LRRC4C: variants seen among roughly 807,000 people sequenced by gnomAD.
The protein encoded by LRRC4C is leucine-rich repeat-containing protein 4C.
LRRC4C carries 5 observed loss-of-function variants against 33.6 expected under a neutral mutation model. That is an observed-to-expected ratio of 0.15 (90% CI 0.08 to 0.31). The LOEUF is 0.31. LRRC4C is among the 10% of genes least tolerant of loss of function. LRRC4C has a pLI of 1.00. For missense variants in LRRC4C, 560 were observed against 796.7 expected (o/e 0.70, Z 3.58); for synonymous variants, 329 against 302.0 (o/e 1.09, Z -0.93).
intron 3 of LRRC4C, among the ~76,000 whole-genome samples, chr11:40,571,417 G>T (rs2135566806): frequency 6.6e-6 from 1 of 152,120 alleles, no homozygotes; most frequent in Non-Finnish European, 1.5e-5. Context: ...TCATAGAACA[G>T]AATTCCTGAC....
chr11:41,197,888 A>AT, intron 1 of LRRC4C, among the ~76,000 whole-genome samples: 1 of 152,132 alleles, frequency 6.6e-6, no homozygotes, highest in East Asian at 1.9e-4. Context: ...CATCTGGAAA[A>AT]TGCTCAGTAA....
chr11:41,185,769 A>G (rs1381325994), intron 1 of LRRC4C, among the ~76,000 whole-genome samples: 1 of 152,192 alleles, frequency 6.6e-6, no homozygotes, highest in East Asian at 1.9e-4. Context: ...AGAGGTAAAT[A>G]CTTTTAAAAT....
At chr11:40,727,972 G>A (rs1947368459) in intron 2 of LRRC4C, among the ~76,000 whole-genome samples, 1 of 152,096 alleles carries the variant, frequency 6.6e-6, no homozygotes, top group Non-Finnish European at 1.5e-5. Context: ...GAACCCAGGA[G>A]GCAGAGGTTT....
chr11:41,378,029 G>A (rs1953004580), intron 1 of LRRC4C, among the ~76,000 whole-genome samples: 1 of 152,104 alleles, frequency 6.6e-6, no homozygotes, highest in African/African-American at 2.4e-5. Flanking sequence ...AGAAAGGCGG[G>A]CAGTGGGGGT....
chr11:41,225,960 T>A (rs935014018), intron 1 of LRRC4C, among the ~76,000 whole-genome samples: 1 of 152,150 alleles, frequency 6.6e-6, no homozygotes, highest in African/African-American at 2.4e-5. Context: ...TAAAATGCAA[T>A]TCTCTTTGAA....
At chr11:41,113,002 A>G (rs376915119) in intron 1 of LRRC4C, among the ~76,000 whole-genome samples, 1 of 152,150 alleles carries the variant, frequency 6.6e-6, no homozygotes. Context: ...TAAAAACTAA[A>G]CAAGTACATT....
At chr11:40,931,888 G>A (rs1421866006) in intron 2 of LRRC4C, among the ~76,000 whole-genome samples, 1 of 151,980 alleles carries the variant, frequency 6.6e-6, no homozygotes, top group Non-Finnish European at 1.5e-5. Context: ...TGCTAAAGTT[G>A]TCCGAGTAAT....
In LRRC4C at chr11:40,653,411, G is replaced by T. The variant is rs1002081093; in HGVS notation, c.-406-5133C>A. On this transcript the variant is annotated intron_variant, in intron 2 of 6. Coordinates refer to ENST00000528697, the MANE Select transcript of LRRC4C (RefSeq NM_001258419.2). ...GGAACTTGTTGGGAACTGTGGTAAAGGTCACTCTTGCTATGCTTTAGCAAA... is the reference window on the plus strand; with the variant it reads ...GGAACTTGTTGGGAACTGTGGTAAATGTCACTCTTGCTATGCTTTAGCAAA... Among the ~76,000 whole-genome samples the T allele has an allele frequency of 3.3e-5, 5 of 152,286 alleles. No individual in the cohort carries two copies. In the East Asian group the frequency reaches 5.8e-4, roughly 18 times the overall value.
intron 5 of LRRC4C, among the ~76,000 whole-genome samples, chr11:40,214,493 A>G (rs1182668482): frequency 6.6e-6 from 1 of 152,132 alleles, no homozygotes; most frequent in Non-Finnish European, 1.5e-5. Flanking sequence ...AATACTCCCT[A>G]ATTCATTTGT....
chr11:40,804,393 G>C (rs1388591775), intron 2 of LRRC4C, among the ~76,000 whole-genome samples: 1 of 152,152 alleles, frequency 6.6e-6, no homozygotes, highest in African/African-American at 2.4e-5. Flanking sequence ...CAAGAAATTT[G>C]ACTTTTCCTA....
chr11:41,423,834 C>T (rs1335601942), intron 1 of LRRC4C: 1 of 151,998 alleles, frequency 6.6e-6, no homozygotes. Flanking sequence ...TGGCCAATGT[C>T]AGCCACAGAT....
chr11:40,566,086 G>GTTTTTTTTTTTTTTTTTTTTTTTTTCTT, intron 3 of LRRC4C, among the ~76,000 whole-genome samples: 1 of 62,796 alleles, frequency 1.6e-5, no homozygotes, highest in African/African-American at 6.4e-5. Context: ...TTTTTACTAA[G>GTTTTTTTTTTTTTTTTTTTTTTTTTCTT]TTTTTTTTTT....
intron 2 of LRRC4C, among the ~76,000 whole-genome samples, chr11:40,803,099 C>T (rs191461594): frequency 3.3e-4 from 51 of 152,242 alleles, no homozygotes; most frequent in African/African-American, 1.2e-3. Context: ...ATTTGATAAC[C>T]AGGCAAGCTA....
At chr11:40,336,154 T>C (rs1217402056) in intron 3 of LRRC4C, among the ~76,000 whole-genome samples, 2 of 152,228 alleles carry the variant, frequency 1.3e-5, no homozygotes, top group Non-Finnish European at 2.9e-5. Flanking sequence ...ACAAAATCCC[T>C]GCCTGCATGA....
chr11:41,268,869 G>GA (rs140636630), intron 1 of LRRC4C, among the ~76,000 whole-genome samples: 10,994 of 142,936 alleles, frequency 0.077, 408 homozygotes, highest in African/African-American at 0.094. Context: ...GATAGCTAAA[G>GA]AAAAAAAAAA....
rs182309504 is a variant in LRRC4C at position 41,069,255 on chromosome 11, T to G, written c.-495-135532A>C. Among the ~76,000 whole-genome samples, 791 of 152,300 alleles carry G rather than the reference T, an allele frequency of 5.2e-3. 3 individuals carry two copies. Among genetic ancestry groups the G allele is most frequent in the Non-Finnish European group, 6.8e-3 (462 of 68,024 alleles). On this transcript the variant is annotated intron_variant, in intron 1 of 6. Transcript: ENST00000528697. ...TAAAAACTCTCAATAAACTAGGTATTGATGGAACATATCTCCAAATAATAC... is the reference window on the plus strand; with the variant it reads ...TAAAAACTCTCAATAAACTAGGTATGGATGGAACATATCTCCAAATAATAC...
At chr11:41,335,053 C>T (rs574374031) in intron 1 of LRRC4C, among the ~76,000 whole-genome samples, 1 of 152,168 alleles carries the variant, frequency 6.6e-6, no homozygotes, top group Admixed American at 6.5e-5. Flanking sequence ...CACCTGGTAA[C>T]ACCTCCAAAC....
chr11:40,831,992 A>G, intron 2 of LRRC4C, among the ~76,000 whole-genome samples: 2 of 152,294 alleles, frequency 1.3e-5, no homozygotes, highest in East Asian at 1.9e-4. Context: ...TTTAAAATAC[A>G]GTTATAGGTA....
chr11:40,817,206 A>G (rs924153893), intron 2 of LRRC4C, among the ~76,000 whole-genome samples: 1 of 152,158 alleles, frequency 6.6e-6, no homozygotes, highest in Non-Finnish European at 1.5e-5. Flanking sequence ...ATATTTATCT[A>G]ACTGAAAAGA....
Sources: allele counts gnomAD v4.1 joint callset (sites outside exome capture counted in the v4.1 genomes callset), GRCh38; gene constraint gnomAD v4.1.1; transcripts MANE v1.5; gene names NCBI Gene and HGNC (gene_info 2026-07-23, HGNC 2026-07-21).